Variants in DPP6 observed in about 807,000 individuals in gnomAD.
DPP6 encodes A-type potassium channel modulatory protein DPP6.
Under a neutral mutation model 122.6 loss-of-function variants are expected in DPP6, and 69 were observed. The observed-to-expected ratio is 0.56, with a 90% CI of 0.46 to 0.69. DPP6 has a LOEUF of 0.69. Among genes scored for constraint, DPP6 ranks in the 30% least tolerant of loss-of-function variants. The pLI, the probability that DPP6 is intolerant of heterozygous loss-of-function variation, is 0.00. For missense variants in DPP6, 928 were observed against 1,116.9 expected (o/e 0.83, Z 2.41); for synonymous variants, 418 against 433.1 (o/e 0.97, Z 0.43).
chr7:154,090,980 G>A (rs1205997259), intron 1 of DPP6, among the ~76,000 whole-genome samples: 2 of 151,102 alleles, frequency 1.3e-5, no homozygotes, highest in South Asian at 4.2e-4. Flanking sequence ...AATTAGCCAG[G>A]CGTGGTGGCG....
chr7:154,324,123 A>G (rs1808212639), intron 1 of DPP6, among the ~76,000 whole-genome samples: 1 of 152,166 alleles, frequency 6.6e-6, no homozygotes, highest in African/African-American at 2.4e-5. Context: ...AATAGAATAT[A>G]TATCTAATTT....
chr7:153,968,778 A>G (rs73729246), intron 1 of DPP6: 3 of 149,130 alleles, frequency 2.0e-5, no homozygotes, highest in Admixed American at 1.3e-4. Context: ...GTGTATTCCT[A>G]AATAGCCATC....
intron 1 of DPP6, among the ~76,000 whole-genome samples, chr7:154,389,077 C>G (rs915021808): frequency 6.6e-6 from 1 of 152,166 alleles, no homozygotes; most frequent in South Asian, 2.1e-4. Context: ...TTACCGTCCC[C>G]GCAGTGAGCA....
chr7:153,950,496 GA>G (rs1405463623), intron 1 of DPP6, among the ~76,000 whole-genome samples: 1 of 152,158 alleles, frequency 6.6e-6, no homozygotes, highest in Non-Finnish European at 1.5e-5. Flanking sequence ...ATGCTTGTTA[GA>G]AATATGTTTG....
chr7:154,685,907 T>G (rs928842687), intron 7 of DPP6, among the ~76,000 whole-genome samples: 10 of 152,334 alleles, frequency 6.6e-5, no homozygotes, highest in African/African-American at 2.4e-4. Context: ...ATATTACCAA[T>G]CTTTAGTGTG....
chr7:154,576,776 G>T (rs1410241950), intron 5 of DPP6, among the ~76,000 whole-genome samples: 2 of 152,304 alleles, frequency 1.3e-5, no homozygotes, highest in African/African-American at 4.8e-5. Flanking sequence ...CCCACGACCT[G>T]CACGGAGACC....
At chr7:154,652,264 G>GTTT (rs532694133) in intron 6 of DPP6, among the ~76,000 whole-genome samples, 30 of 149,566 alleles carry the variant, frequency 2.0e-4, no homozygotes, top group South Asian at 6.4e-4. Context: ...CTCCAAAGGC[G>GTTT]TTTTTTTTTT....
intron 1 of DPP6, chr7:154,055,647 C>T (rs566155152): frequency 6.6e-5 from 10 of 152,322 alleles, no homozygotes; most frequent in African/African-American, 2.2e-4. Context: ...CAAACCGAGG[C>T]TTTCCTTTTC....
At chr7:153,971,956 A>G (rs934722497) in intron 1 of DPP6, among the ~76,000 whole-genome samples, 1 of 148,168 alleles carries the variant, frequency 6.7e-6, no homozygotes. Flanking sequence ...GGGCCCTCGT[A>G]AGCTCAAATG....
intron 1 of DPP6, among the ~76,000 whole-genome samples, chr7:154,382,635 T>C (rs1178632051): frequency 1.3e-5 from 2 of 152,264 alleles, no homozygotes; most frequent in Non-Finnish European, 2.9e-5. Context: ...TCTCCTTTAT[T>C]TGTTAGGGAA....
At chr7:153,816,492 A>G in the DPP6 span, among the ~76,000 whole-genome samples, 2 of 152,212 alleles carry the variant, frequency 1.3e-5, no homozygotes, top group South Asian at 2.1e-4. Context: ...TGACAACAGC[A>G]TGCAAATTGA....
chr7:154,389,951 G>A (rs917963965), intron 1 of DPP6, among the ~76,000 whole-genome samples: 1 of 152,182 alleles, frequency 6.6e-6, no homozygotes, highest in Non-Finnish European at 1.5e-5. Flanking sequence ...ACAAATATGC[G>A]GGTTTGCAAT....
chr7:153,974,408 T>C (rs1796192872), intron 1 of DPP6, among the ~76,000 whole-genome samples: 1 of 152,182 alleles, frequency 6.6e-6, no homozygotes. Flanking sequence ...AATGTACTTA[T>C]TTATTTGTGA....
chr7:154,082,603 G>A (rs1302485516), intron 1 of DPP6, among the ~76,000 whole-genome samples: 2 of 151,566 alleles, frequency 1.3e-5, no homozygotes, highest in Non-Finnish European at 1.5e-5. Context: ...GGCCCACTAA[G>A]CATTAGTTGC....
intron 7 of DPP6, among the ~76,000 whole-genome samples, chr7:154,707,190 A>G (rs1840878860): frequency 6.6e-6 from 1 of 152,236 alleles, no homozygotes; most frequent in Non-Finnish European, 1.5e-5. Flanking sequence ...TAAGGATTGG[A>G]TAGGTTGATG....
intron 1 of DPP6, among the ~76,000 whole-genome samples, chr7:154,144,510 A>G (rs1020524269): frequency 9.2e-5 from 14 of 152,078 alleles, no homozygotes; most frequent in Admixed American, 5.9e-4. Flanking sequence ...GCAGTGGCTT[A>G]GAAACCATCT....
intron 1 of DPP6, among the ~76,000 whole-genome samples, chr7:154,122,043 C>G (rs1053476403): frequency 8.5e-5 from 13 of 152,202 alleles, no homozygotes; most frequent in Non-Finnish European, 1.9e-4. Context: ...AAAATATCAT[C>G]TTATTTTACA....
intron 1 of DPP6, among the ~76,000 whole-genome samples, chr7:154,104,184 C>T (rs1414452647): frequency 2.0e-5 from 3 of 152,344 alleles, no homozygotes; most frequent in East Asian, 3.9e-4. Context: ...TTTCTGGAAT[C>T]GCAGTCTCCT....
chr7:154,576,447 C>G (rs1475323249), intron 5 of DPP6, among the ~76,000 whole-genome samples: 2 of 152,130 alleles, frequency 1.3e-5, no homozygotes, highest in Non-Finnish European at 2.9e-5. Flanking sequence ...ACATTCAGAC[C>G]TATAGGGAAA....
Sources: gnomAD v4.1 joint callset for allele counts (sites outside exome capture counted in the v4.1 genomes callset) on GRCh38, gnomAD v4.1.1 for gene constraint, MANE v1.5 for transcripts, NCBI Gene and HGNC (gene_info 2026-07-23, HGNC 2026-07-21) for gene names.